EEPD1: variants seen among roughly 807,000 people sequenced by gnomAD.
The protein encoded by EEPD1 is endonuclease/exonuclease/phosphatase family domain containing 1.
In EEPD1, 17 loss-of-function variants were observed where a neutral mutation model predicts 46.3. The ratio of observed to expected loss-of-function variants is 0.37; its 90% CI spans 0.25 to 0.55. The LOEUF (loss-of-function observed/expected upper bound fraction) is 0.55. Among genes scored for constraint, EEPD1 ranks in the 20% least tolerant of loss-of-function variants. The pLI, the probability that EEPD1 is intolerant of heterozygous loss-of-function variation, is 0.83. For missense variants in EEPD1, 673 were observed against 745.6 expected, an observed-to-expected ratio of 0.90 and a Z score of 1.13; for synonymous variants, 313 against 315.6, an observed-to-expected ratio of 0.99 and a Z score of 0.09.
intron 2 of EEPD1, among the ~76,000 whole-genome samples, chr7:36,169,171 G>T (rs1315021946): frequency 6.6e-6 from 1 of 152,180 alleles, no homozygotes; most frequent in Non-Finnish European, 1.5e-5. Flanking sequence ...GAATAATGCT[G>T]CTAAGAACAT....
At chr7:36,296,856 G>C (rs1041273755) in intron 6 of EEPD1, 137 bp from the exon 7 acceptor site, 2 of 741,496 alleles carry the variant, frequency 2.7e-6, no homozygotes, top group African/African-American at 3.5e-5. Context: ...AGAGTGAGGA[G>C]AGTGAGAACC....
chr7:36,259,045 G>T (rs1428305675), intron 3 of EEPD1, among the ~76,000 whole-genome samples: 1 of 152,208 alleles, frequency 6.6e-6, no homozygotes, highest in Non-Finnish European at 1.5e-5. Flanking sequence ...CTGGGCTGAA[G>T]TGCAGCGTTC....
chr7:36,228,285 C>G (rs75726654), intron 2 of EEPD1, among the ~76,000 whole-genome samples: 1 of 152,072 alleles, frequency 6.6e-6, no homozygotes, highest in Non-Finnish European at 1.5e-5. Flanking sequence ...TCCCGCACTT[C>G]GGGAGGTTGA....
chr7:36,199,340 C>A (rs994993929), intron 2 of EEPD1, among the ~76,000 whole-genome samples: 1 of 152,068 alleles, frequency 6.6e-6, no homozygotes, highest in Non-Finnish European at 1.5e-5. Context: ...TTTAAATTTT[C>A]ATTATGGAAA....
In EEPD1 at chr7:36,154,286, A is replaced by G. The variant is rs765472461; in HGVS notation, c.-39A>G. 4.4e-6 allele frequency: 7 copies of G among 1,576,896 alleles called. No homozygotes were observed. The South Asian group carries it at 6.8e-5, about 15-fold the overall frequency. ...CTCCCTAGCCAGAGAGCTCTTCTGC[A>G]GTGGTGCGGCCTTCCCGGGAGCCTG... On this transcript the variant is annotated 5_prime_UTR_variant, in exon 2 of 8. Transcript: ENST00000242108. This position sits in a 1 kb window ranked among gnomAD's most constrained non-coding sequence, Gnocchi z 4.2.
chr7:36,215,297 A>C (rs1291340562), intron 2 of EEPD1, among the ~76,000 whole-genome samples: 1 of 152,056 alleles, frequency 6.6e-6, no homozygotes, highest in Non-Finnish European at 1.5e-5. Flanking sequence ...CCCTAAATGC[A>C]CCCTCCTGTT....
chr7:36,168,251 G>A (rs1050982664), intron 2 of EEPD1, among the ~76,000 whole-genome samples: 1 of 152,336 alleles, frequency 6.6e-6, no homozygotes, highest in East Asian at 1.9e-4. Flanking sequence ...CCCACATGCT[G>A]TTGCCTTGAT....
chr7:36,264,742 C>T (rs1031805505), intron 3 of EEPD1, among the ~76,000 whole-genome samples: 19 of 152,086 alleles, frequency 1.2e-4, no homozygotes, highest in Non-Finnish European at 2.4e-4. Flanking sequence ...TAAGAGCTTG[C>T]GGCCAAAAAT....
intron 2 of EEPD1, among the ~76,000 whole-genome samples, chr7:36,227,487 C>A (rs937141718): frequency 1.9e-4 from 29 of 152,170 alleles, no homozygotes; most frequent in Non-Finnish European, 3.8e-4. Context: ...CTGGGCGTGT[C>A]CACTGATGTG....
intron 7 of EEPD1, among the ~76,000 whole-genome samples, chr7:36,297,577 T>C (rs1787548023): frequency 1.3e-5 from 2 of 152,332 alleles, no homozygotes; most frequent in South Asian, 4.1e-4. Flanking sequence ...GGCAGAGTCC[T>C]GATTCAGAGA....
In EEPD1 at chr7:36,242,863, A is replaced by C. The variant is rs551741822; in HGVS notation, c.930+3827A>C. ...AGAATCTCTTAAACCCGGGAGGTGG[A>C]GGTTGCAGTGAGCCGAGATCGCCCC... On this transcript the variant is annotated intron_variant, in intron 3 of 7. Transcript: ENST00000242108. Among the ~76,000 whole-genome samples the C allele has an allele frequency of 1.6e-3, 248 of 151,538 alleles. 1 individual carries two copies. The highest frequency in any genetic ancestry group is 2.6e-3 in the Non-Finnish European group (174 of 67,912).
chr7:36,157,051 T>C (rs2002958), intron 2 of EEPD1, among the ~76,000 whole-genome samples: 115,885 of 152,124 alleles, frequency 0.76, 44,549 homozygotes, highest in Middle Eastern at 0.81. Context: ...TCCAGTATGG[T>C]AACTATTTAC....
chr7:36,165,732 C>T (rs952246799), intron 2 of EEPD1, among the ~76,000 whole-genome samples: 2 of 151,804 alleles, frequency 1.3e-5, no homozygotes, highest in Non-Finnish European at 2.9e-5. Flanking sequence ...CCACCATGCC[C>T]GGCCCTAATG....
At chr7:36,182,685 C>T (rs1785291536) in intron 2 of EEPD1, among the ~76,000 whole-genome samples, 2 of 152,202 alleles carry the variant, frequency 1.3e-5, no homozygotes, top group South Asian at 4.1e-4. Flanking sequence ...CAGTAATGCA[C>T]AGCTGGAAAG....
At chr7:36,210,732 G>A (rs75354221) in intron 2 of EEPD1, among the ~76,000 whole-genome samples, 3 of 152,224 alleles carry the variant, frequency 2.0e-5, no homozygotes, top group Admixed American at 6.5e-5. Flanking sequence ...TGCTGCCTCC[G>A]CGTAGACCTT....
intron 6 of EEPD1, among the ~76,000 whole-genome samples, chr7:36,294,502 G>A (rs1466698238): frequency 6.6e-6 from 1 of 152,144 alleles, no homozygotes; most frequent in Non-Finnish European, 1.5e-5. Context: ...CATCACATAG[G>A]AGGAAGTGGG....
intron 3 of EEPD1, among the ~76,000 whole-genome samples, chr7:36,241,978 T>A (rs196535): frequency 0.86 from 129,925 of 151,892 alleles, 55,970 homozygotes; most frequent in Non-Finnish European, 0.9. Context: ...TCAAAACCTA[T>A]CAGAGAAATA....
At position 36,154,784 on chromosome 7, in the gene EEPD1, T is replaced by A; in HGVS notation, c.460T>A (p.Ser154Thr). 2 of 1,614,104 alleles carry A rather than the reference T, an allele frequency of 1.2e-6. No individual in the cohort carries two copies. Among genetic ancestry groups the A allele is most frequent in the Non-Finnish European group, 1.7e-6 (2 of 1,180,008 alleles). Reference protein sequence around the residue: ...PAQLMSVRGLSEKMALSIVDF... With the variant: ...PAQLMSVRGLTEKMALSIVDF... Reference sequence around the variant, plus strand: ...CCAGCTCATGAGCGTGCGAGGCCTCTCGGAGAAAATGGCCCTCAGCATCGT... The same window carrying A: ...CCAGCTCATGAGCGTGCGAGGCCTCACGGAGAAAATGGCCCTCAGCATCGT... Residue 154 changes from serine (S) to threonine (T), a missense_variant, in exon 2 of 8, where the codon TCG becomes ACG. Physicochemically the swap from Ser to Thr is moderately conservative, Grantham distance 58 (BLOSUM62 1). Coordinates refer to ENST00000242108, the MANE Select transcript of EEPD1 (RefSeq NM_030636.3). The surrounding 1 kb of genome is among the most constrained non-coding windows in gnomAD (Gnocchi z 4.2).
At chr7:36,243,558 C>T (rs1175952889) in intron 3 of EEPD1, among the ~76,000 whole-genome samples, 1 of 152,158 alleles carries the variant, frequency 6.6e-6, no homozygotes, top group Non-Finnish European at 1.5e-5. Context: ...GAACTCCCAA[C>T]ACCCTGCTGT....
Sources: allele counts gnomAD v4.1 joint callset (sites outside exome capture counted in the v4.1 genomes callset), GRCh38; gene constraint gnomAD v4.1.1; non-coding constraint Gnocchi (gnomAD v3.1); transcripts MANE v1.5; gene names NCBI Gene and HGNC (gene_info 2026-07-23, HGNC 2026-07-21).